UNC13C: variants seen among roughly 807,000 people sequenced by gnomAD.
The protein encoded by UNC13C is protein unc-13 homolog C.
UNC13C carries 174 observed loss-of-function variants against 245.4 expected under a neutral mutation model. The ratio of observed to expected loss-of-function variants is 0.71; its 90% CI spans 0.63 to 0.80. The LOEUF is 0.80. Among genes scored for constraint, UNC13C ranks in the 30% least tolerant of loss-of-function variants. UNC13C has a pLI of 0.00. For missense variants in UNC13C, 2,829 were observed against 2,602.9 expected (o/e 1.09, Z -1.89); for synonymous variants, 992 against 895.1 (o/e 1.11, Z -1.93).
At chr15:54,066,763 A>G (rs1477911943) in intron 2 of UNC13C, among the ~76,000 whole-genome samples, 1 of 152,094 alleles carries the variant, frequency 6.6e-6, no homozygotes, top group Non-Finnish European at 1.5e-5. Context: ...GTATTTGGGC[A>G]CTGAAAATTG....
At chr15:54,514,539 G>T (rs1359557030) in intron 24 of UNC13C, among the ~76,000 whole-genome samples, 5 of 152,176 alleles carry the variant, frequency 3.3e-5, no homozygotes, top group Non-Finnish European at 1.5e-5. Flanking sequence ...TGCTCAAAAT[G>T]GTTTTTAATG....
chr15:54,396,412 G>A (rs896334022), intron 18 of UNC13C, among the ~76,000 whole-genome samples: 1 of 151,432 alleles, frequency 6.6e-6, no homozygotes, highest in African/African-American at 2.4e-5. Flanking sequence ...TTTCACCCAT[G>A]TTATTTATTC....
At chr15:53,913,252 C>G in the UNC13C span, 37,312 of 152,160 alleles carry the variant, frequency 0.25, 4,990 homozygotes, top group Non-Finnish European at 0.31. Flanking sequence ...GGCTATTCAG[C>G]AAGCACAAGC....
chr15:54,132,777 T>C (rs1342715444), intron 2 of UNC13C, among the ~76,000 whole-genome samples: 1 of 152,172 alleles, frequency 6.6e-6, no homozygotes, highest in South Asian at 2.1e-4. Context: ...TAGAGCAAAC[T>C]GTTTCCAAAG....
At chr15:54,202,394 G>A (rs935334407) in intron 4 of UNC13C, among the ~76,000 whole-genome samples, 2 of 151,822 alleles carry the variant, frequency 1.3e-5, no homozygotes, top group African/African-American at 4.8e-5. Context: ...AAATATGGAG[G>A]CATCACATTA....
the UNC13C span, among the ~76,000 whole-genome samples, chr15:53,929,192 T>G: frequency 1.3e-5 from 2 of 152,234 alleles, no homozygotes; most frequent in South Asian, 4.1e-4. Flanking sequence ...GAACTCCCTT[T>G]ATAAAACCAT....
In UNC13C at chr15:54,430,515, C is replaced by A. The variant is rs376222881; in HGVS notation, c.4933+15448C>A. Among the ~76,000 whole-genome samples the A allele has an allele frequency of 1.9e-4, 29 of 151,416 alleles. No individual in the cohort carries two copies. The East Asian group carries it at 5.7e-3, about 30-fold the overall frequency. The stretch of plus-strand genomic sequence containing the variant: ...TAGACATTTTTTAATGTGTTAATTG[C>A]TCAAACTCATTAGCCTGTTAAGCCT... On this transcript the variant is annotated intron_variant, in intron 19 of 32. Coordinates refer to ENST00000260323, the MANE Select transcript of UNC13C (RefSeq NM_001080534.3).
chr15:54,161,297 A>C (rs551807102), intron 4 of UNC13C, among the ~76,000 whole-genome samples: 2 of 152,126 alleles, frequency 1.3e-5, no homozygotes, highest in Non-Finnish European at 2.9e-5. Flanking sequence ...AATAATAAAC[A>C]GGGACATAAG....
intron 30 of UNC13C, among the ~76,000 whole-genome samples, chr15:54,594,151 G>A (rs973476757): frequency 6.6e-6 from 1 of 152,192 alleles, no homozygotes; most frequent in Non-Finnish European, 1.5e-5. Flanking sequence ...ACTGGGGGTT[G>A]TCTGCACAGA....
intron 2 of UNC13C, among the ~76,000 whole-genome samples, chr15:54,066,307 A>C (rs1898073278): frequency 6.6e-6 from 1 of 152,222 alleles, no homozygotes; most frequent in Non-Finnish European, 1.5e-5. Flanking sequence ...ATACAAGCTG[A>C]TTTCTTTTTC....
intron 2 of UNC13C, among the ~76,000 whole-genome samples, chr15:54,057,287 CAA>C (rs1333991188): frequency 6.7e-6 from 1 of 149,752 alleles, no homozygotes; most frequent in Non-Finnish European, 1.5e-5. Context: ...AAATGGAAAA[CAA>C]AAAAAGGCAG....
chr15:54,570,742 A>G (rs1897718429), intron 30 of UNC13C, among the ~76,000 whole-genome samples: 1 of 152,212 alleles, frequency 6.6e-6, no homozygotes, highest in Admixed American at 6.5e-5. Flanking sequence ...AATTATTTAT[A>G]AAACCATAAA....
At chr15:53,908,215 T>A in the UNC13C span, among the ~76,000 whole-genome samples, 12,587 of 146,364 alleles carry the variant, frequency 0.086, 1,965 homozygotes, top group South Asian at 0.22. Context: ...TATCATTTAA[T>A]GGGTGCTCCT....
intron 2 of UNC13C, among the ~76,000 whole-genome samples, chr15:54,061,113 A>T (rs1032124599): frequency 1.3e-4 from 1 of 7,854 alleles, no homozygotes; most frequent in Non-Finnish European, 2.7e-4. Context: ...AACTTAAAGT[A>T]TAATAATAAT....
At chr15:53,930,171 C>T in the UNC13C span, among the ~76,000 whole-genome samples, 3 of 152,302 alleles carry the variant, frequency 2.0e-5, no homozygotes, top group Admixed American at 6.5e-5. Flanking sequence ...TCCAGAGTTT[C>T]ATGTGTCCTC....
At chr15:54,345,237 G>A (rs1436686965) in intron 17 of UNC13C, among the ~76,000 whole-genome samples, 4 of 152,154 alleles carry the variant, frequency 2.6e-5, no homozygotes, top group South Asian at 2.1e-4. Flanking sequence ...GTTCACAAAA[G>A]CATTTGTTTA....
intron 4 of UNC13C, among the ~76,000 whole-genome samples, chr15:54,180,334 T>C (rs2033756494): frequency 6.6e-6 from 1 of 152,074 alleles, no homozygotes; most frequent in Admixed American, 6.6e-5. Context: ...AGGACATGAT[T>C]TCATTCTTTT....
At chr15:53,886,605 G>T in the UNC13C span, among the ~76,000 whole-genome samples, 1 of 152,252 alleles carries the variant, frequency 6.6e-6, no homozygotes, top group South Asian at 2.1e-4. Context: ...CTAAAAGAGA[G>T]GCAGTATAAT....
rs759200675 is a variant in UNC13C at position 54,511,743 on chromosome 15, A to G, written c.5380-10A>G. 1.4e-5 allele frequency: 22 copies of G among 1,580,680 alleles called. No individual in the cohort carries two copies. Among genetic ancestry groups the G allele is most frequent in the African/African-American group, 6.8e-5 (5 of 73,190 alleles). ...ATTGCTCATAATAGTCTTTTTTTCTATATTTAAAGCCCTGTATCTTGATGA... is the reference window on the plus strand; with the variant it reads ...ATTGCTCATAATAGTCTTTTTTTCTGTATTTAAAGCCCTGTATCTTGATGA... On this transcript the variant is annotated splice_polypyrimidine_tract_variant and intron_variant, in intron 23 of 32. Coordinates refer to ENST00000260323, the MANE Select transcript of UNC13C (RefSeq NM_001080534.3).
Sources: allele counts gnomAD v4.1 joint callset (sites outside exome capture counted in the v4.1 genomes callset), GRCh38; gene constraint gnomAD v4.1.1; transcripts MANE v1.5; gene names NCBI Gene and HGNC (gene_info 2026-07-23, HGNC 2026-07-21).